CIMIP2A: variants seen among roughly 807,000 people sequenced by gnomAD.
CIMIP2A encodes the protein family with sequence similarity 166 member A.
the CIMIP2A span, chr9:137,245,826 G>C: frequency 6.6e-7 from 1 of 1,509,356 alleles, no homozygotes; most frequent in Non-Finnish European, 8.9e-7. Context: ...CCACCTGGTA[G>C]CGCAGCTGCG....
chr9:137,247,604 A>G, the CIMIP2A span: 2 of 1,549,566 alleles, frequency 1.3e-6, no homozygotes, highest in East Asian at 2.3e-5. Flanking sequence ...GGCCCCAGCC[A>G]TTCTCCCCCT....
the CIMIP2A span, chr9:137,245,681 GA>G: frequency 6.2e-7 from 1 of 1,605,624 alleles, no homozygotes; most frequent in African/African-American, 1.3e-5. Flanking sequence ...TCTTGGCAGG[GA>G]ACCCTCGGGG....
At chr9:137,245,987 C>T in the CIMIP2A span, 1 of 603,864 alleles carries the variant, frequency 1.7e-6, no homozygotes, top group Non-Finnish European at 2.7e-6. Flanking sequence ...GCTCGCCTGC[C>T]CTCTGCTCAC....
the CIMIP2A span, chr9:137,244,478 A>G: frequency 5.3e-6 from 8 of 1,495,932 alleles, no homozygotes; most frequent in Admixed American, 4.3e-5. Context: ...CTCAGGAGAG[A>G]GGGGTTGGGG....
chr9:137,244,129 T>C, the CIMIP2A span: 1 of 1,586,430 alleles, frequency 6.3e-7, no homozygotes. Context: ...CCTCCCCACA[T>C]TGGCCGGGGT....
chr9:137,245,458 ATCTG>A, the CIMIP2A span: 9 of 1,613,732 alleles, frequency 5.6e-6, no homozygotes, highest in Non-Finnish European at 1.7e-6. Context: ...AGGCAGCAGA[ATCTG>A]TCTGGGTATG....
chr9:137,253,302 CG>C, the CIMIP2A span: 1 of 1,563,760 alleles, frequency 6.4e-7, no homozygotes, highest in Middle Eastern at 1.7e-4. Context: ...TGGCCTCCCC[CG>C]GGGCTTTCCC....
At chr9:137,252,100 C>T in the CIMIP2A span, 9 of 1,612,354 alleles carry the variant, frequency 5.6e-6, no homozygotes, top group Non-Finnish European at 7.6e-6. Flanking sequence ...TCCCCACACC[C>T]CCACTACAGC....
chr9:137,252,449 G>A, the CIMIP2A span: 1,278 of 1,610,488 alleles, frequency 7.9e-4, 8 homozygotes, highest in African/African-American at 0.012. Flanking sequence ...GGCGGTGGCC[G>A]CAGGGCATGG....
At chr9:137,247,681 G>C in the CIMIP2A span, 7 of 1,613,390 alleles carry the variant, frequency 4.3e-6, no homozygotes, top group Non-Finnish European at 5.9e-6. Flanking sequence ...GTGAGGCTCC[G>C]GCGTGAAGAG....
the CIMIP2A span, among the ~76,000 whole-genome samples, chr9:137,246,866 C>T: frequency 6.6e-6 from 1 of 152,328 alleles, no homozygotes; most frequent in South Asian, 2.1e-4. Flanking sequence ...AGCCTTTCCC[C>T]TTTGCATGTA....
chr9:137,251,166 C>A, the CIMIP2A span: 1 of 797,686 alleles, frequency 1.3e-6, no homozygotes, highest in East Asian at 2.5e-5. Context: ...GGTCGGGGCC[C>A]GGGGCAGCCC....
chr9:137,247,489 CCT>C, the CIMIP2A span, among the ~76,000 whole-genome samples: 4 of 152,214 alleles, frequency 2.6e-5, no homozygotes, highest in South Asian at 2.1e-4. Flanking sequence ...CTGAGCTTCC[CCT>C]GTCCCAGGGC....
chr9:137,251,192 A>G, the CIMIP2A span: 7 of 929,420 alleles, frequency 7.5e-6, no homozygotes, highest in East Asian at 4.8e-5. Context: ...GGGCCAGACA[A>G]TGTGTCTTCC....
At chr9:137,245,217 A>G in the CIMIP2A span, 3 of 1,580,936 alleles carry the variant, frequency 1.9e-6, no homozygotes, top group Non-Finnish European at 2.6e-6. Flanking sequence ...GCAGTGGTAC[A>G]GCTGGAGCGG....
At chr9:137,251,597 T>C in the CIMIP2A span, 1 of 1,134,304 alleles carries the variant, frequency 8.8e-7, no homozygotes, top group Non-Finnish European at 1.2e-6. Flanking sequence ...GGCCAGGGGC[T>C]GAGGGACAGT....
the CIMIP2A span, chr9:137,244,969 C>G: frequency 3.1e-6 from 5 of 1,604,934 alleles, no homozygotes; most frequent in African/African-American, 4.0e-5. Context: ...CCCCAGGCCG[C>G]TAGCCTGTTC....
the CIMIP2A span, chr9:137,244,695 A>G: frequency 1.9e-6 from 3 of 1,613,522 alleles, no homozygotes; most frequent in Non-Finnish European, 1.7e-6. Flanking sequence ...CGGTAATTCA[A>G]CCCCATTACC....
the CIMIP2A span, chr9:137,253,640 G>A: frequency 1.6e-6 from 1 of 620,554 alleles, no homozygotes; most frequent in Non-Finnish European, 2.5e-6. Context: ...GACTGACCCT[G>A]AGCTCTAGCC....
Sources: allele counts gnomAD v4.1 joint callset (sites outside exome capture counted in the v4.1 genomes callset), GRCh38; gene constraint gnomAD v4.1.1; transcripts MANE v1.5; gene names NCBI Gene and HGNC (gene_info 2026-07-23, HGNC 2026-07-21).